CYP4F11: variants seen among roughly 807,000 people sequenced by gnomAD.
The protein encoded by CYP4F11 is cytochrome P450 family 4 subfamily F member 11.
CYP4F11 carries 79 observed loss-of-function variants against 62.2 expected under a neutral mutation model. The observed-to-expected ratio is 1.27, with a 90% confidence interval of 1.06 to 1.53. CYP4F11 has a LOEUF of 1.53. CYP4F11 is among the 40% of genes most tolerant of loss of function. The pLI is 0.00. For synonymous variants in CYP4F11, 290 were observed against 263.7 expected, an observed-to-expected ratio of 1.10 and a Z score of -0.97; for missense variants, 777 against 680.5, an observed-to-expected ratio of 1.14 and a Z score of -1.58.
In CYP4F11 at chr19:15,934,375, C is replaced by T. The variant is rs199657164; in HGVS notation, c.34G>A (p.Gly12Arg). 44 of 1,613,350 alleles carry T rather than the reference C, an allele frequency of 2.7e-5. No homozygotes were observed. Among genetic ancestry groups the T allele is most frequent in the South Asian group, 1.8e-4 (16 of 91,024 alleles). ...PQLSLSWLGL[G>R]PVAASPWLLL... The stretch of plus-strand genomic sequence containing the variant: ...AGCCACGGGGATGCTGCCACGGGCC[C>T]GAGGCCCAGCCAGGACAGGCTCAGC... Residue 12 changes from glycine to arginine, a missense_variant, in exon 1 of 12, where the codon GGG (glycine) becomes AGG (arginine). By Grantham distance (125) the Gly-to-Arg change is moderately radical. Transcript: ENST00000402119.
Position 15,912,745 on chromosome 19 carries a change from A to ATATG in CYP4F11, c.*986_*987insCATA, listed in dbSNP as rs1271192776. On this transcript the variant is annotated 3_prime_UTR_variant, in exon 12 of 12. Coordinates refer to ENST00000402119, the MANE Select transcript of CYP4F11 (RefSeq NM_021187.4). The stretch of plus-strand genomic sequence containing the variant: ...TGTGTGTGTGTGTGTATATGTATAT[A>ATATG]TGTGTGTGTGTGTGTGTGTGTGTGT... The ATATG allele has an allele frequency of 1.2e-5, 1 of 85,984 alleles. No individual in the cohort carries two copies. The highest frequency in any genetic ancestry group is 2.0e-5 in the Non-Finnish European group (1 of 50,152). The allele number at this position is 85,984 out of a possible 1,614,324, so 5.3% of individuals were successfully genotyped here.
intron 8 of CYP4F11, among the ~76,000 whole-genome samples, chr19:15,917,410 G>C (rs150854415): frequency 6.6e-6 from 1 of 152,222 alleles, no homozygotes; most frequent in Admixed American, 6.5e-5. Context: ...AAAAACAGAA[G>C]AGAAAGTCAT....
intron 1 of CYP4F11, among the ~76,000 whole-genome samples, chr19:15,929,879 T>C (rs1356990117): frequency 1.3e-5 from 2 of 152,156 alleles, no homozygotes; most frequent in African/African-American, 2.4e-5. Context: ...GTGGATGTGC[T>C]CATCCATCTG....
chr19:15,929,664 C>T (rs974725458), intron 1 of CYP4F11, 63 bp from the exon 2 acceptor site: 1 of 1,512,598 alleles, frequency 6.6e-7, no homozygotes, highest in East Asian at 2.3e-5. Flanking sequence ...CTGAATTAAT[C>T]ATGAATTCCA....
At chr19:15,919,471 T>TATAC (rs1555777247) in intron 8 of CYP4F11, among the ~76,000 whole-genome samples, 1 of 136,588 alleles carries the variant, frequency 7.3e-6, no homozygotes, top group African/African-American at 2.7e-5. Flanking sequence ...TGGACAGATG[T>TATAC]ATAGATAGAT....
In CYP4F11 at chr19:15,922,107, C is replaced by T. The variant is rs2089633800; in HGVS notation, c.1045G>A (p.Glu349Lys). The stretch of plus-strand genomic sequence containing the variant: ...TCTTGCCGGCACTGTTCCTGGTATT[C>T]TGGGTGCTTTGCAAGGTGGTATAGG... Reference protein sequence around the residue: ...WVLYHLAKHPEYQEQCRQEVQ... With the variant: ...WVLYHLAKHPKYQEQCRQEVQ... Residue 349 changes from glutamate to lysine, a missense_variant, in exon 8 of 12, where the codon GAA becomes AAA. By Grantham distance (56) the Glu-to-Lys change is moderately conservative. Transcript: ENST00000402119. The T allele has an allele frequency of 3.1e-6, 5 of 1,614,110 alleles. No homozygotes were observed. Among genetic ancestry groups the T allele is most frequent in the Non-Finnish European group, 4.2e-6 (5 of 1,179,984 alleles).
At position 15,929,740 on chromosome 19, in the gene CYP4F11, T is replaced by A. The variant is rs544636305; in HGVS notation, c.199-139A>T. 2.1e-5 allele frequency: 21 copies of A among 991,664 alleles called. 1 individual carries two copies. The South Asian group carries it at 3.5e-4, about 17-fold the overall frequency. The allele number at this position is 991,664 out of a possible 1,614,324, so 61.4% of individuals were successfully genotyped here. ...AAAACATTATTTCTGGATGTGTCCATCGGTGTATTTCCAGAAGAGATTCAC... is the reference window on the plus strand; with the variant it reads ...AAAACATTATTTCTGGATGTGTCCAACGGTGTATTTCCAGAAGAGATTCAC... On this transcript the variant is annotated intron_variant, in intron 1 of 11. Transcript: ENST00000402119.
intron 1 of CYP4F11, 70 bp downstream of exon 1, chr19:15,934,141 A>G: frequency 6.5e-7 from 1 of 1,539,506 alleles, no homozygotes; most frequent in Admixed American, 1.9e-5. Flanking sequence ...CAGCTCCCTG[A>G]GCCCCATTCC....
rs1277699388 is a variant in CYP4F11 at position 15,932,205 on chromosome 19, G to C, written c.198+2006C>G. 6.3e-4 allele frequency among the ~76,000 whole-genome samples: 15 copies of C among 23,760 alleles called. 1 individual carries two copies. Among genetic ancestry groups the C allele is most frequent in the African/African-American group, 2.4e-3 (12 of 5,106 alleles). The allele number at this position is 23,760 out of a possible 152,430, so 15.6% of individuals were successfully genotyped here. A position where few individuals can be genotyped will look rare whatever the true frequency, so the allele number is the denominator to read the frequency against. ...GTGAGGAGAGGAATGAGTGAGCGAGGAGAGGAATGAGTGAGCGAGGAGAGG... is the reference window on the plus strand; with the variant it reads ...GTGAGGAGAGGAATGAGTGAGCGAGCAGAGGAATGAGTGAGCGAGGAGAGG... On this transcript the variant is annotated intron_variant, in intron 1 of 11. Coordinates refer to ENST00000402119, the MANE Select transcript of CYP4F11 (RefSeq NM_021187.4).
rs200473423 is a variant in CYP4F11 at position 15,923,835 on chromosome 19, T to G, written c.895A>C (p.Ile299Leu). The change falls in exon 6 of 12, where the codon ATT (isoleucine) becomes CTT (leucine). Residue 299 changes from isoleucine to leucine, a missense_variant. Ile to Leu is a conservative substitution (Grantham distance 5). Transcript: ENST00000402119. ...NKAKSKTLDF[I>L]DVLLLSKDED... ...ACCTTGCTCAGCAGAAGCACATCAA[T>G]GAAGTCTAAAGTCTTGGACTTTGCC... The G allele has an allele frequency of 6.2e-7, 1 of 1,613,808 alleles. No individual in the cohort carries two copies. Among genetic ancestry groups the G allele is most frequent in the East Asian group, 2.2e-5 (1 of 44,878 alleles).
chr19:15,913,875 T>C lies in CYP4F11; in HGVS notation c.1432A>G (p.Met478Val), dbSNP rs914417124. 1.2e-6 allele frequency: 2 copies of C among 1,614,040 alleles called. No homozygotes were observed. The highest frequency in any genetic ancestry group is 1.7e-6 in the Non-Finnish European group (2 of 1,179,978). The change falls in exon 12 of 12, where the codon ATG becomes GTG. Residue 478 changes from methionine to valine, a missense_variant. By Grantham distance (21) the Met-to-Val change is conservative. Coordinates refer to ENST00000402119, the MANE Select transcript of CYP4F11 (RefSeq NM_021187.4). Reference sequence around the variant, plus strand: ...AGGGTGAGCGCCAGGACCACCTTCATCTCAGCCATGGCGAACGCCTGCCCG... The same window carrying C: ...AGGGTGAGCGCCAGGACCACCTTCACCTCAGCCATGGCGAACGCCTGCCCG... ...CIGQAFAMAE[M>V]KVVLALTLLH...
chr19:15,924,255 CA>C (rs369422214), intron 5 of CYP4F11, among the ~76,000 whole-genome samples, 173 bp from the exon 6 acceptor site: 10 of 152,264 alleles, frequency 6.6e-5, no homozygotes, highest in African/African-American at 2.2e-4. Context: ...CTCCATGCAC[CA>C]AGGTACCCAG....
At chr19:15,914,552 T>C (rs201779761) in intron 10 of CYP4F11, 50 bp downstream of exon 10, 677 of 1,608,516 alleles carry the variant, frequency 4.2e-4, no homozygotes, top group Non-Finnish European at 5.3e-4. Context: ...TCACCTCCTC[T>C]AGGAACCTTG....
chr19:15,915,374 A>G (rs767886755), intron 8 of CYP4F11, among the ~76,000 whole-genome samples: 1 of 152,224 alleles, frequency 6.6e-6, no homozygotes, highest in Non-Finnish European at 1.5e-5. Flanking sequence ...AGAACACTTC[A>G]CTGGAAAACA....
At chr19:15,918,741 A>G (rs2089600309) in intron 8 of CYP4F11, among the ~76,000 whole-genome samples, 1 of 152,176 alleles carries the variant, frequency 6.6e-6, no homozygotes, top group South Asian at 2.1e-4. Flanking sequence ...GAATGCTAGT[A>G]CCATAGAATA....
chr19:15,926,824 T>G (rs1176608033), intron 4 of CYP4F11, among the ~76,000 whole-genome samples: 1 of 108,610 alleles, frequency 9.2e-6, no homozygotes, highest in Non-Finnish European at 2.1e-5. Context: ...CCAAGAGTGA[T>G]CCCATCCACA....
At chr19:15,933,872 A>G (rs201585313) in intron 1 of CYP4F11, among the ~76,000 whole-genome samples, 2 of 68,016 alleles carry the variant, frequency 2.9e-5, no homozygotes, top group Non-Finnish European at 6.9e-5. Context: ...GAGCAGAGGA[A>G]TGAGTGAGCG....
At chr19:15,931,291 C>T (rs2089713804) in intron 1 of CYP4F11, among the ~76,000 whole-genome samples, 1 of 151,784 alleles carries the variant, frequency 6.6e-6, no homozygotes, top group Non-Finnish European at 1.5e-5. Flanking sequence ...CAGAGATGGG[C>T]AGACACAAGC....
At chr19:15,931,126 C>T (rs1225043710) in intron 1 of CYP4F11, among the ~76,000 whole-genome samples, 1 of 149,242 alleles carries the variant, frequency 6.7e-6, no homozygotes, top group South Asian at 2.1e-4. Flanking sequence ...GTAACAAGGC[C>T]GACTGGGACA....
Sources: allele counts gnomAD v4.1 joint callset (sites outside exome capture counted in the v4.1 genomes callset), GRCh38; gene constraint gnomAD v4.1.1; transcripts MANE v1.5; gene names NCBI Gene and HGNC (gene_info 2026-07-23, HGNC 2026-07-21).